WWOX: variants seen among roughly 807,000 people sequenced by gnomAD.
The protein encoded by WWOX is WW domain containing oxidoreductase, also known as WW domain-containing oxidoreductase.
WWOX carries 69 observed loss-of-function variants against 46.2 expected under a neutral mutation model. That is an observed-to-expected ratio of 1.49 (90% CI 1.23 to 1.82). The LOEUF is 1.82. Among genes scored for constraint, WWOX ranks in the 40% most tolerant of loss-of-function variants. The pLI is 0.00. For synonymous variants in WWOX, 359 were observed against 202.6 expected, an observed-to-expected ratio of 1.77 and a Z score of -6.56; for missense variants, 919 against 542.6, an observed-to-expected ratio of 1.69 and a Z score of -6.89.
chr16:78,676,403 ATTTT>A (rs4035810), intron 8 of WWOX, among the ~76,000 whole-genome samples: 1 of 140,212 alleles, frequency 7.1e-6, no homozygotes, highest in Non-Finnish European at 1.6e-5. Flanking sequence ...CATATTTACT[ATTTT>A]TTTTTTTTTT....
chr16:78,291,985 C>A (rs2079866162), intron 5 of WWOX, among the ~76,000 whole-genome samples: 1 of 151,830 alleles, frequency 6.6e-6, no homozygotes, highest in Admixed American at 6.6e-5. Context: ...TAAGATGGTA[C>A]CTTTCCCTGT....
At chr16:79,060,892 A>G (rs1349373101) in intron 8 of WWOX, among the ~76,000 whole-genome samples, 1 of 152,226 alleles carries the variant, frequency 6.6e-6, no homozygotes, top group Admixed American at 6.5e-5. Context: ...GCCATGGGCC[A>G]TTCTAAGAAC....
chr16:78,104,231 AACAC>A (rs376622174), intron 1 of WWOX, among the ~76,000 whole-genome samples: 6,792 of 130,082 alleles, frequency 0.052, 422 homozygotes, highest in African/African-American at 0.16. Flanking sequence ...CTGTGCTCAA[AACAC>A]ACACACACAC....
At chr16:78,606,109 A>G (rs999074007) in intron 8 of WWOX, among the ~76,000 whole-genome samples, 4 of 152,252 alleles carry the variant, frequency 2.6e-5, no homozygotes, top group Admixed American at 1.3e-4. Context: ...ATTTATGGCT[A>G]TCAAACTACT....
intron 8 of WWOX, among the ~76,000 whole-genome samples, chr16:78,927,532 T>G (rs2045526243): frequency 6.6e-6 from 1 of 152,194 alleles, no homozygotes; most frequent in African/African-American, 2.4e-5. Flanking sequence ...CAATAGATAT[T>G]TGATAAATGG....
At chr16:78,392,986 G>A (rs768361158) in intron 6 of WWOX, among the ~76,000 whole-genome samples, 2 of 152,246 alleles carry the variant, frequency 1.3e-5, no homozygotes, top group Non-Finnish European at 2.9e-5. Context: ...TCGTCGGCCA[G>A]TGTGTCTCGG....
Position 78,975,206 on chromosome 16 carries a change from C to T in WWOX, c.1057-236402C>T, listed in dbSNP as rs553067329. The stretch of plus-strand genomic sequence containing the variant: ...TTAGTGAACACCTATACGAATTAGC[C>T]TCATCTGGTTCAAGGGTTCTCAGAT... On this transcript the variant is annotated intron_variant, in intron 8 of 8. Coordinates refer to ENST00000566780, the MANE Select transcript of WWOX (RefSeq NM_016373.4). 2.0e-4 allele frequency among the ~76,000 whole-genome samples: 30 copies of T among 152,284 alleles called. 1 individual carries two copies. Among genetic ancestry groups the T allele is most frequent in the Non-Finnish European group, 4.4e-5 (3 of 68,028 alleles).
chr16:78,894,821 G>T (rs2044666201), intron 8 of WWOX, among the ~76,000 whole-genome samples: 1 of 152,186 alleles, frequency 6.6e-6, no homozygotes, highest in African/African-American at 2.4e-5. Context: ...ACCGGCTTCA[G>T]TTTTCCACAA....
At chr16:78,998,306 T>C (rs1365420994) in intron 8 of WWOX, among the ~76,000 whole-genome samples, 1 of 152,246 alleles carries the variant, frequency 6.6e-6, no homozygotes, top group East Asian at 1.9e-4. Flanking sequence ...TTGGCTGCTC[T>C]TCTCCCTTCT....
intron 8 of WWOX, among the ~76,000 whole-genome samples, chr16:78,999,867 T>C (rs1351612863): frequency 6.6e-6 from 1 of 152,062 alleles, no homozygotes; most frequent in Non-Finnish European, 1.5e-5. Flanking sequence ...CATAAAACTT[T>C]ATAAAAAATT....
At chr16:78,911,438 G>A (rs898336211) in intron 8 of WWOX, among the ~76,000 whole-genome samples, 1 of 151,990 alleles carries the variant, frequency 6.6e-6, no homozygotes, top group Non-Finnish European at 1.5e-5. Flanking sequence ...CTTTTGTGGA[G>A]ACATTAAAGT....
chr16:78,103,730 A>T (rs909543328), intron 1 of WWOX, among the ~76,000 whole-genome samples: 3 of 152,016 alleles, frequency 2.0e-5, no homozygotes, highest in Non-Finnish European at 2.9e-5. Context: ...TCTTTCTAGG[A>T]GGCTGCTCTT....
intron 8 of WWOX, among the ~76,000 whole-genome samples, chr16:78,834,197 T>A (rs978557890): frequency 6.6e-6 from 1 of 152,174 alleles, no homozygotes; most frequent in Non-Finnish European, 1.5e-5. Flanking sequence ...TCTTGTAAAT[T>A]TGCATTGTTT....
At chr16:78,302,106 G>A (rs557277560) in intron 5 of WWOX, among the ~76,000 whole-genome samples, 1 of 151,854 alleles carries the variant, frequency 6.6e-6, no homozygotes, top group Admixed American at 6.6e-5. Flanking sequence ...GACTACAGGC[G>A]CCTGCCACCA....
rs149419902 is a variant in WWOX at position 78,796,880 on chromosome 16, C to T, written c.1056+364128C>T. 4.1e-3 allele frequency among the ~76,000 whole-genome samples: 618 copies of T among 149,446 alleles called. 5 individuals carry two copies. Among genetic ancestry groups the T allele is most frequent in the African/African-American group, 0.014 (575 of 40,348 alleles). On this transcript the variant is annotated intron_variant, in intron 8 of 8. Transcript: ENST00000566780. ...TCACTCTGTCACCTAGGCTGGAGTGCAGTGGTGCGATCTCGGCTCACTGCA... is the reference window on the plus strand; with the variant it reads ...TCACTCTGTCACCTAGGCTGGAGTGTAGTGGTGCGATCTCGGCTCACTGCA...
chr16:78,877,999 A>G (rs767169522), intron 8 of WWOX, among the ~76,000 whole-genome samples: 3 of 152,182 alleles, frequency 2.0e-5, no homozygotes, highest in Non-Finnish European at 2.9e-5. Flanking sequence ...TTTTGTTTTT[A>G]TAGGCTCTAG....
chr16:78,827,602 G>C (rs1005640113), intron 8 of WWOX, among the ~76,000 whole-genome samples: 3 of 152,010 alleles, frequency 2.0e-5, no homozygotes, highest in Non-Finnish European at 4.4e-5. Flanking sequence ...GGAGGCCAAG[G>C]TGGGTGGGTC....
chr16:78,773,827 A>G (rs2050123953), intron 8 of WWOX, among the ~76,000 whole-genome samples: 1 of 152,232 alleles, frequency 6.6e-6, no homozygotes, highest in Non-Finnish European at 1.5e-5. Context: ...AGTTCTGAAC[A>G]GGGAGCTTGG....
At chr16:78,926,573 A>C (rs1166362315) in intron 8 of WWOX, among the ~76,000 whole-genome samples, 1 of 152,102 alleles carries the variant, frequency 6.6e-6, no homozygotes, top group African/African-American at 2.4e-5. Flanking sequence ...GCAGACGTAC[A>C]CTTCTTTGCT....
Sources: gnomAD v4.1 joint callset for allele counts (sites outside exome capture counted in the v4.1 genomes callset) on GRCh38, gnomAD v4.1.1 for gene constraint, MANE v1.5 for transcripts, NCBI Gene and HGNC (gene_info 2026-07-23, HGNC 2026-07-21) for gene names.